Variants in LMNTD1 observed in about 807,000 individuals in gnomAD.
LMNTD1 encodes the protein lamin tail domain-containing protein 1.
LMNTD1 carries 35 observed loss-of-function variants against 50.9 expected under a neutral mutation model. The observed-to-expected ratio is 0.69, with a 90% CI of 0.53 to 0.91. The LOEUF (loss-of-function observed/expected upper bound fraction) is 0.91. Ranked by LOEUF, LMNTD1 falls within the 40% of genes least tolerant of loss-of-function variation. The pLI is 0.00. For synonymous variants in LMNTD1, 153 were observed against 161.9 expected, an observed-to-expected ratio of 0.94 and a Z score of 0.42; for missense variants, 470 against 475.5, an observed-to-expected ratio of 0.99 and a Z score of 0.11.
chr12:25,638,369 C>T (rs1946881229), intron 1 of LMNTD1, among the ~76,000 whole-genome samples: 1 of 151,970 alleles, frequency 6.6e-6, no homozygotes, highest in Admixed American at 6.6e-5. Context: ...AAATAAATAA[C>T]ATCCATATTG....
intron 1 of LMNTD1, among the ~76,000 whole-genome samples, chr12:25,585,295 GA>G (rs1246471012): frequency 1.3e-5 from 2 of 152,190 alleles, no homozygotes; most frequent in Non-Finnish European, 2.9e-5. Flanking sequence ...TAAGACTTGT[GA>G]AATACTATGG....
intron 9 of LMNTD1, among the ~76,000 whole-genome samples, chr12:25,489,334 G>A (rs1321392713): frequency 6.6e-6 from 1 of 150,956 alleles, no homozygotes; most frequent in Non-Finnish European, 1.5e-5. Flanking sequence ...CTGGTGGTGC[G>A]CCGTTTTTTA....
At chr12:25,507,049 T>G (rs905356793) in intron 8 of LMNTD1, among the ~76,000 whole-genome samples, 4 of 152,078 alleles carry the variant, frequency 2.6e-5, no homozygotes, top group Non-Finnish European at 5.9e-5. Context: ...GCTAATTTTG[T>G]ATTTTTAGTA....
At chr12:25,493,375 G>A (rs930264376) in intron 9 of LMNTD1, among the ~76,000 whole-genome samples, 6 of 152,136 alleles carry the variant, frequency 3.9e-5, no homozygotes, top group African/African-American at 1.4e-4. Context: ...GTGACTAAAC[G>A]AAGAGGGAAA....
intron 8 of LMNTD1, among the ~76,000 whole-genome samples, chr12:25,516,185 T>C (rs1940752276): frequency 6.6e-6 from 1 of 152,070 alleles, no homozygotes; most frequent in African/African-American, 2.4e-5. Context: ...AAAGAAAAAA[T>C]CGTACAATTC....
chr12:25,619,252 C>CTCTCTCTATATATATA (rs1374134268), intron 1 of LMNTD1, among the ~76,000 whole-genome samples: 7 of 84,444 alleles, frequency 8.3e-5, no homozygotes, highest in South Asian at 8.1e-4. Flanking sequence ...CTCTCTCTCT[C>CTCTCTCTATATATATA]TATATATATA....
chr12:25,550,353 G>A (rs1159522468), intron 2 of LMNTD1, among the ~76,000 whole-genome samples: 4 of 152,144 alleles, frequency 2.6e-5, no homozygotes, highest in Non-Finnish European at 5.9e-5. Context: ...CATTTTATGA[G>A]TCACACTGAG....
intron 1 of LMNTD1, among the ~76,000 whole-genome samples, chr12:25,604,819 T>G (rs996337360): frequency 6.6e-6 from 1 of 152,322 alleles, no homozygotes; most frequent in Non-Finnish European, 1.5e-5. Flanking sequence ...TGTGTGCATG[T>G]GTCTTTATAG....
At chr12:25,532,573 A>G (rs1041878809) in intron 4 of LMNTD1, among the ~76,000 whole-genome samples, 6 of 152,170 alleles carry the variant, frequency 3.9e-5, no homozygotes, top group African/African-American at 7.2e-5. Context: ...TGTCTCTCAG[A>G]AGAGGAATTA....
chr12:25,645,114 G>A (rs1332980632), intron 1 of LMNTD1, among the ~76,000 whole-genome samples: 1 of 152,168 alleles, frequency 6.6e-6, no homozygotes, highest in African/African-American at 2.4e-5. Context: ...CAAATTTAAA[G>A]TGCAGCCAGG....
At chr12:25,540,801 T>C (rs10771226) in intron 4 of LMNTD1, among the ~76,000 whole-genome samples, 52,874 of 99,366 alleles carry the variant, frequency 0.53, 14,680 homozygotes, top group Non-Finnish European at 0.63. Flanking sequence ...TGTTTGCAGA[T>C]GACATGATTG....
intron 1 of LMNTD1, among the ~76,000 whole-genome samples, chr12:25,628,094 T>C (rs1293963507): frequency 5.4e-4 from 52 of 95,782 alleles, no homozygotes; most frequent in African/African-American, 2.1e-3. Context: ...GGCGACAGAG[T>C]GAAACTCCGT....
rs76280366 is a variant in LMNTD1, at chr12:25,638,955, G to A, written c.58+9539C>T. 7.9e-3 allele frequency among the ~76,000 whole-genome samples: 1,210 copies of A among 152,252 alleles called. 7 individuals carry two copies. Among genetic ancestry groups the A allele is most frequent in the Middle Eastern group, 0.048 (14 of 294 alleles). On this transcript the variant is annotated intron_variant, in intron 1 of 7. Coordinates refer to the LMNTD1 transcript ENST00000445693. ...AAGAGCAATGAAATGTGGTCCTCTGGCAGTGGGTTATACATATAGATCAGT... is the reference window on the plus strand; with the variant it reads ...AAGAGCAATGAAATGTGGTCCTCTGACAGTGGGTTATACATATAGATCAGT...
chr12:25,496,119 A>G (rs1939055773), intron 9 of LMNTD1, among the ~76,000 whole-genome samples: 1 of 152,214 alleles, frequency 6.6e-6, no homozygotes, highest in African/African-American at 2.4e-5. Flanking sequence ...GAGGGAAATA[A>G]TTGAAAACAC....
At chr12:25,644,215 C>A (rs569819792) in intron 1 of LMNTD1, among the ~76,000 whole-genome samples, 3 of 147,866 alleles carry the variant, frequency 2.0e-5, no homozygotes, top group Non-Finnish European at 3.0e-5. Flanking sequence ...ATGGCTCATG[C>A]CTGTAATCCC....
intron 8 of LMNTD1, among the ~76,000 whole-genome samples, chr12:25,506,711 G>A (rs1939812498): frequency 1.3e-5 from 2 of 149,192 alleles, no homozygotes; most frequent in Non-Finnish European, 3.0e-5. Flanking sequence ...AACAGCTCCT[G>A]GTACATACTA....
intron 8 of LMNTD1, among the ~76,000 whole-genome samples, chr12:25,507,068 G>A (rs1208902417): frequency 6.6e-6 from 1 of 151,910 alleles, no homozygotes; most frequent in African/African-American, 2.4e-5. Context: ...TAGAGACAGG[G>A]TTTCACCATG....
intron 9 of LMNTD1, among the ~76,000 whole-genome samples, chr12:25,489,454 C>G (rs538759783): frequency 6.7e-6 from 1 of 149,912 alleles, no homozygotes; most frequent in Admixed American, 6.7e-5. Flanking sequence ...CTTGCGCTTC[C>G]CAGGTGAGGC....
chr12:25,603,860 C>T (rs529967596), intron 1 of LMNTD1, among the ~76,000 whole-genome samples: 2 of 151,828 alleles, frequency 1.3e-5, no homozygotes, highest in South Asian at 2.1e-4. Context: ...ATTTGATCAC[C>T]GAAAAATGGC....
Sources: gnomAD v4.1 joint callset for allele counts (sites outside exome capture counted in the v4.1 genomes callset) on GRCh38, gnomAD v4.1.1 for gene constraint, MANE v1.5 for transcripts, NCBI Gene and HGNC (gene_info 2026-07-23, HGNC 2026-07-21) for gene names.